TMTC1: variants seen among roughly 807,000 people sequenced by gnomAD.
TMTC1 encodes the protein protein O-mannosyl-transferase TMTC1.
In TMTC1, 73 loss-of-function variants were observed where a neutral mutation model predicts 104.8. The ratio of observed to expected loss-of-function variants is 0.70; its 90% CI spans 0.58 to 0.85. TMTC1 has a LOEUF of 0.85. Ranked by LOEUF, TMTC1 falls within the 40% of genes least tolerant of loss-of-function variation. The pLI is 0.00. For missense variants in TMTC1, 1,035 were observed against 1,096.1 expected, an observed-to-expected ratio of 0.94 and a Z score of 0.79; for synonymous variants, 434 against 428.7, an observed-to-expected ratio of 1.01 and a Z score of -0.15.
At chr12:29,672,995 T>C (rs1940575479) in intron 5 of TMTC1, among the ~76,000 whole-genome samples, 1 of 152,224 alleles carries the variant, frequency 6.6e-6, no homozygotes, top group Non-Finnish European at 1.5e-5. Context: ...GATAGGATGG[T>C]TGACTGTCAG....
At chr12:29,607,419 A>C (rs1946732407) in intron 6 of TMTC1, among the ~76,000 whole-genome samples, 1 of 152,216 alleles carries the variant, frequency 6.6e-6, no homozygotes, top group Non-Finnish European at 1.5e-5. Context: ...GGGAGCAGGC[A>C]GAGAGGGCTT....
intron 5 of TMTC1, among the ~76,000 whole-genome samples, chr12:29,664,591 TAGC>T (rs1295357516): frequency 1.3e-5 from 2 of 152,190 alleles, no homozygotes; most frequent in African/African-American, 4.8e-5. Context: ...ATAATAAAAA[TAGC>T]AACAACTAAT....
At chr12:29,524,369 T>G (rs1203848815) in intron 11 of TMTC1, among the ~76,000 whole-genome samples, 1 of 152,216 alleles carries the variant, frequency 6.6e-6, no homozygotes, top group Non-Finnish European at 1.5e-5. Context: ...ATCTCTGTAA[T>G]AGTCAATGCA....
Position 29,631,236 on chromosome 12 carries a change from GA to G in TMTC1, c.1128+1910del, listed in dbSNP as rs75437576. Among the ~76,000 whole-genome samples the G allele has an allele frequency of 0.037, 5,616 of 151,974 alleles. 493 individuals are homozygous for G. The East Asian group carries it at 0.38, about 10-fold the overall frequency. On this transcript the variant is annotated intron_variant, in intron 6 of 17. Coordinates refer to ENST00000539277, the MANE Select transcript of TMTC1 (RefSeq NM_001193451.2). ...CATTTAATTCACATTATCTTTTGAT[GA>G]AAAAAATATTTAATTTTGATGATGT...
chr12:29,620,220 G>C (rs1001343847), intron 6 of TMTC1, among the ~76,000 whole-genome samples: 5 of 152,142 alleles, frequency 3.3e-5, no homozygotes, highest in Non-Finnish European at 5.9e-5. Flanking sequence ...GCTTGCCCTG[G>C]TCCAACCACA....
At chr12:29,586,903 T>G (rs1035809054) in intron 7 of TMTC1, among the ~76,000 whole-genome samples, 1 of 152,066 alleles carries the variant, frequency 6.6e-6, no homozygotes, top group Non-Finnish European at 1.5e-5. Flanking sequence ...TCTCTTTTTT[T>G]GTTGTGTCTC....
At chr12:29,759,158 A>AT (rs879851288) in intron 2 of TMTC1, among the ~76,000 whole-genome samples, 4 of 152,188 alleles carry the variant, frequency 2.6e-5, no homozygotes, top group Non-Finnish European at 5.9e-5. Flanking sequence ...AGCAGACAAT[A>AT]TTTTTAGAGA....
intron 5 of TMTC1, among the ~76,000 whole-genome samples, chr12:29,651,711 A>G (rs1427291018): frequency 6.6e-6 from 1 of 152,216 alleles, no homozygotes; most frequent in African/African-American, 2.4e-5. Context: ...CTATTACCTT[A>G]GCATACCCTC....
intron 11 of TMTC1, among the ~76,000 whole-genome samples, chr12:29,528,327 G>T (rs1944405445): frequency 1.3e-5 from 2 of 152,134 alleles, no homozygotes; most frequent in Admixed American, 1.3e-4. Context: ...CCCAGGGAAT[G>T]GTTGTGACAT....
intron 10 of TMTC1, among the ~76,000 whole-genome samples, chr12:29,543,836 T>C (rs1038038075): frequency 1.4e-4 from 21 of 152,208 alleles, no homozygotes; most frequent in African/African-American, 5.1e-4. Flanking sequence ...GTAATGGAAA[T>C]ATAGCATCTA....
intron 5 of TMTC1, among the ~76,000 whole-genome samples, chr12:29,737,924 T>A (rs889585655): frequency 1.3e-5 from 2 of 152,172 alleles, no homozygotes; most frequent in Non-Finnish European, 2.9e-5. Flanking sequence ...AAAGAGATCA[T>A]GAATAATGAA....
intron 5 of TMTC1, among the ~76,000 whole-genome samples, chr12:29,680,153 C>A (rs1940865556): frequency 6.6e-6 from 1 of 152,060 alleles, no homozygotes; most frequent in African/African-American, 2.4e-5. Context: ...AGAAATGTAC[C>A]ATCAATGAGA....
intron 5 of TMTC1, among the ~76,000 whole-genome samples, chr12:29,747,129 A>C (rs1292091287): frequency 6.6e-6 from 1 of 152,220 alleles, no homozygotes; most frequent in Non-Finnish European, 1.5e-5. Context: ...ATGAAGAATG[A>C]GTATACATAT....
intron 5 of TMTC1, among the ~76,000 whole-genome samples, chr12:29,709,952 G>C (rs1941853842): frequency 6.6e-6 from 1 of 152,086 alleles, no homozygotes; most frequent in Non-Finnish European, 1.5e-5. Context: ...CATCATTTGA[G>C]AGAAAATAAA....
intron 4 of TMTC1, among the ~76,000 whole-genome samples, chr12:29,752,513 C>T (rs552666971): frequency 3.9e-5 from 6 of 152,168 alleles, no homozygotes; most frequent in South Asian, 2.1e-4. Flanking sequence ...TCCATGGCTA[C>T]GCCTGAAAGA....
chr12:29,676,949 G>C (rs1162384121), intron 5 of TMTC1, among the ~76,000 whole-genome samples: 1 of 152,150 alleles, frequency 6.6e-6, no homozygotes, highest in Non-Finnish European at 1.5e-5. Context: ...AATATGATTT[G>C]AGGGCCAAAA....
rs143226668 is a variant in TMTC1, at chr12:29,528,832, A to T, written c.1785+7377T>A. On this transcript the variant is annotated intron_variant, in intron 11 of 17. Coordinates refer to ENST00000539277, the MANE Select transcript of TMTC1 (RefSeq NM_001193451.2). ...ACTACATTGGAAAAGAAGCTGAGAA[A>T]CTTTAAAAATATGTGCTAGTTTACT... Among the ~76,000 whole-genome samples, 951 of 152,220 alleles carry T rather than the reference A, an allele frequency of 6.2e-3. 3 individuals are homozygous for T. The highest frequency in any genetic ancestry group is 8.3e-3 in the Non-Finnish European group (565 of 68,018).
chr12:29,529,953 G>A (rs891479153), intron 11 of TMTC1: 2 of 152,174 alleles, frequency 1.3e-5, no homozygotes, highest in Non-Finnish European at 2.9e-5. Context: ...TACAATAAAT[G>A]CTAAAGAGAA....
chr12:29,557,605 A>G (rs1945278415), intron 9 of TMTC1, among the ~76,000 whole-genome samples: 1 of 152,156 alleles, frequency 6.6e-6, no homozygotes, highest in Admixed American at 6.5e-5. Context: ...GTCCGCCACC[A>G]CGCCCAGTTA....
Sources: gnomAD v4.1 joint callset for allele counts (sites outside exome capture counted in the v4.1 genomes callset) on GRCh38, gnomAD v4.1.1 for gene constraint, MANE v1.5 for transcripts, NCBI Gene and HGNC (gene_info 2026-07-23, HGNC 2026-07-21) for gene names.